The following PTPRG variants were observed in gnomAD, a reference collection of about 807,000 sequenced individuals.
PTPRG encodes the protein protein tyrosine phosphatase receptor type G.
A neutral mutation model predicts 165.3 loss-of-function variants in PTPRG; 102 were observed. That is an observed-to-expected ratio of 0.62 (90% CI 0.53 to 0.73). The LOEUF (loss-of-function observed/expected upper bound fraction) is 0.73, where lower values mean the gene tolerates loss of function less well. Among genes scored for constraint, PTPRG ranks in the 30% least tolerant of loss-of-function variants. The pLI is 0.00. For missense variants in PTPRG, 1,866 were observed against 1,861.4 expected (o/e 1.00, Z -0.05); for synonymous variants, 675 against 669.5 (o/e 1.01, Z -0.13).
intron 2 of PTPRG, among the ~76,000 whole-genome samples, chr3:61,854,713 T>C (rs774632315): frequency 1.3e-5 from 2 of 152,058 alleles, no homozygotes; most frequent in Non-Finnish European, 2.9e-5. Context: ...CTCATGTGAG[T>C]GGGCAATACT....
At position 61,599,396 on chromosome 3, in the gene PTPRG, C is replaced by T. The variant is rs528487598; in HGVS notation, c.85+37024C>T. Among the ~76,000 whole-genome samples the T allele has an allele frequency of 3.3e-5, 5 of 152,316 alleles. No homozygotes were observed. In the South Asian group the frequency reaches 1.0e-3, roughly 32 times the overall value. The stretch of plus-strand genomic sequence containing the variant: ...CTCCTGACATCAAGTGATGTACCTG[C>T]CTTGGCTTCCCAAAGTGTTGAGATT... On this transcript the variant is annotated intron_variant, in intron 1 of 29. Coordinates refer to ENST00000474889, the MANE Select transcript of PTPRG (RefSeq NM_002841.4).
At position 61,620,320 on chromosome 3, in the gene PTPRG, A is replaced by G. The variant is rs540770504; in HGVS notation, c.85+57948A>G. 3.2e-4 allele frequency among the ~76,000 whole-genome samples: 48 copies of G among 152,344 alleles called. 1 individual carries two copies. In the Middle Eastern group the frequency reaches 0.02, roughly 65 times the overall value. On this transcript the variant is annotated intron_variant, in intron 1 of 29. Transcript: ENST00000474889. Reference sequence around the variant, plus strand: ...CGTGTTGGCAGTAATCTTTCAAAAAAAATTTTATGTTTCAAAATCAGGCAG... The same window carrying G: ...CGTGTTGGCAGTAATCTTTCAAAAAGAATTTTATGTTTCAAAATCAGGCAG...
chr3:61,986,270 C>T (rs2040760516), intron 2 of PTPRG, among the ~76,000 whole-genome samples: 2 of 152,118 alleles, frequency 1.3e-5, no homozygotes, highest in Admixed American at 1.3e-4. Flanking sequence ...CTGTGATAGG[C>T]ATTGGAATGA....
chr3:61,692,471 T>A (rs548085999), intron 1 of PTPRG, among the ~76,000 whole-genome samples: 2 of 152,348 alleles, frequency 1.3e-5, no homozygotes, highest in South Asian at 4.1e-4. Flanking sequence ...GTTTGGAAAT[T>A]TTCATGCGCG....
chr3:61,974,799 G>A (rs187309396), intron 2 of PTPRG, among the ~76,000 whole-genome samples: 238 of 152,216 alleles, frequency 1.6e-3, no homozygotes, highest in Non-Finnish European at 2.6e-3. Flanking sequence ...CCCAGTACTG[G>A]TAGTCTGTTC....
At chr3:61,943,338 T>C (rs1283005410) in intron 2 of PTPRG, among the ~76,000 whole-genome samples, 1 of 152,294 alleles carries the variant, frequency 6.6e-6, no homozygotes, top group East Asian at 1.9e-4. Flanking sequence ...CCTATAATCC[T>C]AGCACTTTGG....
At chr3:61,903,899 C>T (rs1166935787) in intron 2 of PTPRG, among the ~76,000 whole-genome samples, 4 of 152,160 alleles carry the variant, frequency 2.6e-5, no homozygotes, top group Admixed American at 6.5e-5. Flanking sequence ...ACGGATGGCT[C>T]TTCCCACCCC....
intron 2 of PTPRG, among the ~76,000 whole-genome samples, chr3:61,752,011 AC>A (rs1303576632): frequency 6.6e-6 from 1 of 151,818 alleles, no homozygotes; most frequent in Non-Finnish European, 1.5e-5. Flanking sequence ...AAAAAAGAAA[AC>A]GTTAACATAG....
intron 1 of PTPRG, among the ~76,000 whole-genome samples, chr3:61,573,401 C>T (rs547992891): frequency 6.6e-6 from 1 of 151,966 alleles, no homozygotes; most frequent in Non-Finnish European, 1.5e-5. Context: ...CATGGATTTC[C>T]AATAAATGAT....
At chr3:61,664,324 C>T (rs1054801982) in intron 1 of PTPRG, among the ~76,000 whole-genome samples, 1 of 152,180 alleles carries the variant, frequency 6.6e-6, no homozygotes, top group Non-Finnish European at 1.5e-5. Flanking sequence ...TGGGACTCAA[C>T]TGATGGGGTG....
At chr3:61,580,132 A>T (rs1700254056) in intron 1 of PTPRG, among the ~76,000 whole-genome samples, 1 of 152,166 alleles carries the variant, frequency 6.6e-6, no homozygotes, top group African/African-American at 2.4e-5. Flanking sequence ...GGCTATTAGT[A>T]AAGCTCCTGG....
At chr3:62,071,399 C>T (rs532353531) in intron 4 of PTPRG, among the ~76,000 whole-genome samples, 13 of 152,276 alleles carry the variant, frequency 8.5e-5, no homozygotes, top group Non-Finnish European at 1.9e-4. Context: ...GACTTAGGCA[C>T]ACAACTATAA....
At chr3:61,945,560 C>CAAAAAAAAAAAAAAAAAAAAAAAAAA (rs71123242) in intron 2 of PTPRG, among the ~76,000 whole-genome samples, 1 of 55,460 alleles carries the variant, frequency 1.8e-5, no homozygotes, top group African/African-American at 7.0e-5. Context: ...ACTCCGTCAC[C>CAAAAAAAAAAAAAAAAAAAAAAAAAA]AAAAAAAAAA....
intron 2 of PTPRG, among the ~76,000 whole-genome samples, chr3:61,853,725 A>G (rs2037028607): frequency 6.6e-6 from 1 of 152,208 alleles, no homozygotes; most frequent in Non-Finnish European, 1.5e-5. Context: ...GCATATGACA[A>G]CTAAGATGCA....
chr3:61,790,873 G>C (rs527287291), intron 2 of PTPRG, among the ~76,000 whole-genome samples: 38 of 151,696 alleles, frequency 2.5e-4, no homozygotes, highest in African/African-American at 9.2e-4. Context: ...TACAAGGATT[G>C]ATTTGTTGAT....
intron 5 of PTPRG, among the ~76,000 whole-genome samples, chr3:62,102,996 C>A (rs1399498540): frequency 2.6e-5 from 4 of 152,168 alleles, no homozygotes; most frequent in Admixed American, 2.6e-4. Flanking sequence ...GAAGTTAAAT[C>A]ACAAGTCTTT....
intron 2 of PTPRG, among the ~76,000 whole-genome samples, chr3:61,975,321 T>C (rs74522725): frequency 0.037 from 5,657 of 152,238 alleles, 225 homozygotes; most frequent in East Asian, 0.18. Context: ...TTGAGAATTA[T>C]GTGAGATGAC....
intron 5 of PTPRG, among the ~76,000 whole-genome samples, chr3:62,107,250 A>G (rs1172287111): frequency 4.6e-5 from 7 of 152,228 alleles, no homozygotes; most frequent in Non-Finnish European, 1.5e-5. Context: ...CCAGTGATCT[A>G]TATGGCAAAT....
intron 1 of PTPRG, among the ~76,000 whole-genome samples, chr3:61,630,525 G>C (rs1429909976): frequency 4.0e-5 from 6 of 150,360 alleles, no homozygotes; most frequent in Non-Finnish European, 1.5e-5. Context: ...TCTCTGATCA[G>C]GGAAAAGAAA....
Sources: gnomAD v4.1 joint callset for allele counts (sites outside exome capture counted in the v4.1 genomes callset) on GRCh38, gnomAD v4.1.1 for gene constraint, MANE v1.5 for transcripts, NCBI Gene and HGNC (gene_info 2026-07-23, HGNC 2026-07-21) for gene names.